The following MRAS variants were observed in gnomAD, a reference collection of about 807,000 sequenced individuals.
MRAS encodes muscle RAS oncogene homolog, also known as ras-related protein M-Ras.
Under a neutral mutation model 20.9 loss-of-function variants are expected in MRAS, and 4 were observed. The observed-to-expected ratio is 0.19, with a 90% CI of 0.09 to 0.44. The LOEUF (loss-of-function observed/expected upper bound fraction) is 0.44. Among genes scored for constraint, MRAS ranks in the 20% least tolerant of loss-of-function variants. The pLI is 0.99. For missense variants in MRAS, 154 were observed against 277.5 expected (o/e 0.56, Z 3.16); for synonymous variants, 98 against 102.9 (o/e 0.95, Z 0.29).
intron 1 of MRAS, among the ~76,000 whole-genome samples, chr3:138,358,880 G>A (rs561580604): frequency 3.3e-5 from 5 of 152,164 alleles, no homozygotes; most frequent in East Asian, 1.9e-4. Flanking sequence ...CTTAATAAAC[G>A]GTCATTATAA....
upstream of MRAS, chr3:138,348,165 G>A (rs2054153231): frequency 6.6e-6 from 1 of 152,332 alleles, no homozygotes; most frequent in African/African-American, 2.4e-5. Flanking sequence ...TGGCGGCGGA[G>A]GTTCGCCTAG....
intron 2 of MRAS, among the ~76,000 whole-genome samples, chr3:138,390,544 A>G (rs1424370523): frequency 6.6e-6 from 1 of 152,244 alleles, no homozygotes; most frequent in Non-Finnish European, 1.5e-5. Flanking sequence ...GACATCAGGC[A>G]TGGGGAATGC....
chr3:138,368,944 T>C (rs951900497), intron 1 of MRAS, among the ~76,000 whole-genome samples: 1 of 152,038 alleles, frequency 6.6e-6, no homozygotes, highest in African/African-American at 2.4e-5. Flanking sequence ...ATAGCACCTT[T>C]AGGAATTGGG....
Position 138,398,467 on chromosome 3 carries a change from A to G in MRAS, c.348-2A>G, listed in dbSNP as rs2055287598. On this transcript the variant is annotated splice_acceptor_variant, in intron 3 of 5. Coordinates refer to ENST00000423968, the MANE Select transcript of MRAS (RefSeq NM_001085049.3). LOFTEE classifies it high-confidence loss of function. ...CAGAGCTGCTGTTCCTTTATTTCCC[A>G]GGGAGTCATTCCCGATGATCCTCGT... The G allele has an allele frequency of 6.2e-7, 1 of 1,613,594 alleles. No homozygotes were observed. Among genetic ancestry groups the G allele is most frequent in the Non-Finnish European group, 8.5e-7 (1 of 1,179,648 alleles).
intron 2 of MRAS, among the ~76,000 whole-genome samples, chr3:138,391,763 T>G (rs1361408138): frequency 2.0e-5 from 3 of 152,230 alleles, no homozygotes. Flanking sequence ...AAACTTAGCC[T>G]ATAGGATTTC....
At chr3:138,359,807 T>G (rs887876470) in intron 1 of MRAS, among the ~76,000 whole-genome samples, 1 of 152,106 alleles carries the variant, frequency 6.6e-6, no homozygotes, top group Non-Finnish European at 1.5e-5. Flanking sequence ...GTGCGAAGAG[T>G]TGTCTGCCTT....
intron 1 of MRAS, among the ~76,000 whole-genome samples, chr3:138,366,571 A>G (rs937356522): frequency 6.6e-6 from 1 of 152,226 alleles, no homozygotes; most frequent in Non-Finnish European, 1.5e-5. Flanking sequence ...CTGTGGTCCT[A>G]AGGTCAGGGC....
chr3:138,395,942 CA>C (rs1485729430), intron 2 of MRAS, among the ~76,000 whole-genome samples: 1 of 152,224 alleles, frequency 6.6e-6, no homozygotes, highest in Non-Finnish European at 1.5e-5. Context: ...GTGACTGGCA[CA>C]GACCTGCCGT....
intron 2 of MRAS, among the ~76,000 whole-genome samples, chr3:138,374,439 A>C (rs557958142): frequency 6.6e-6 from 1 of 152,362 alleles, no homozygotes; most frequent in South Asian, 2.1e-4. Flanking sequence ...TGTAACCTAC[A>C]ACTTTGCTAA....
intron 1 of MRAS, among the ~76,000 whole-genome samples, chr3:138,358,821 C>A (rs182402182): frequency 6.6e-6 from 1 of 152,266 alleles, no homozygotes; most frequent in East Asian, 1.9e-4. Context: ...GTCTGGGGTG[C>A]AGTGGGGGTC....
chr3:138,382,595 C>CT (rs2054927820), intron 2 of MRAS, among the ~76,000 whole-genome samples: 1 of 152,188 alleles, frequency 6.6e-6, no homozygotes, highest in Non-Finnish European at 1.5e-5. Flanking sequence ...CCCAGACCCA[C>CT]TAGCCAGGCT....
At position 138,400,627 on chromosome 3, in the gene MRAS, T is replaced by C. The variant is rs755934877; in HGVS notation, c.527+14T>C. On this transcript the variant is annotated intron_variant, in intron 5 of 5. Transcript: ENST00000423968. Reference sequence around the variant, plus strand: ...TAGAGTAATTAGGTGAGCACTGCCCTCTCCCTAGAAGCGGGCCTCCACAGC... The same window carrying C: ...TAGAGTAATTAGGTGAGCACTGCCCCCTCCCTAGAAGCGGGCCTCCACAGC... The C allele has an allele frequency of 2.0e-5, 32 of 1,599,150 alleles. No individual in the cohort carries two copies. Among genetic ancestry groups the C allele is most frequent in the Non-Finnish European group, 2.7e-5 (31 of 1,166,654 alleles).
intron 2 of MRAS, among the ~76,000 whole-genome samples, chr3:138,376,223 A>G (rs866771158): frequency 2.0e-4 from 31 of 152,332 alleles, no homozygotes; most frequent in African/African-American, 6.5e-4. Context: ...TTGTTCCTGC[A>G]GAAACACTGA....
rs535804376 is a variant in MRAS at position 138,354,407 on chromosome 3, C to T, written c.-19+5640C>T. 2.0e-5 allele frequency among the ~76,000 whole-genome samples: 3 copies of T among 152,350 alleles called. No individual in the cohort carries two copies. In the South Asian group the frequency reaches 6.2e-4, roughly 32 times the overall value. On this transcript the variant is annotated intron_variant, in intron 1 of 5. Transcript: ENST00000423968. ...TGCCCTGGCCAGTTTGGCCCATCCT[C>T]AGCCTGCAATGGGCTTTTGGGAGCC...
chr3:138,369,218 C>T (rs2054624497), intron 1 of MRAS, among the ~76,000 whole-genome samples: 2 of 152,218 alleles, frequency 1.3e-5, no homozygotes, highest in East Asian at 1.9e-4. Context: ...CAATGCTGTG[C>T]CAGGCTCTGG....
chr3:138,380,474 G>A (rs914921347), intron 2 of MRAS, among the ~76,000 whole-genome samples: 75 of 142,594 alleles, frequency 5.3e-4, no homozygotes, highest in African/African-American at 2.0e-3. Context: ...CACCACGCCT[G>A]GCTAATTTTT....
chr3:138,355,888 G>A (rs138517211), intron 1 of MRAS, among the ~76,000 whole-genome samples: 6 of 152,284 alleles, frequency 3.9e-5, no homozygotes, highest in Non-Finnish European at 7.3e-5. Flanking sequence ...CTGAGATCGC[G>A]CCACTGTGCT....
intron 1 of MRAS, among the ~76,000 whole-genome samples, chr3:138,365,641 A>G (rs893171776): frequency 1.3e-5 from 2 of 152,174 alleles, no homozygotes; most frequent in Admixed American, 1.3e-4. Context: ...CAGGCAGGCT[A>G]CCCCTAAAGG....
intron 2 of MRAS, among the ~76,000 whole-genome samples, chr3:138,380,413 A>G (rs1185044202): frequency 6.6e-6 from 1 of 152,006 alleles, no homozygotes; most frequent in Non-Finnish European, 1.5e-5. Context: ...TCTGAGTTCA[A>G]GTGATTATCC....
Sources: allele counts gnomAD v4.1 joint callset (sites outside exome capture counted in the v4.1 genomes callset), GRCh38; gene constraint gnomAD v4.1.1; transcripts MANE v1.5; gene names NCBI Gene and HGNC (gene_info 2026-07-23, HGNC 2026-07-21).